PNPLA7: variants seen among roughly 807,000 people sequenced by gnomAD.
PNPLA7 encodes the protein patatin like domain 7, lysophospholipase, also known as patatin-like phospholipase domain-containing protein 7.
In PNPLA7, 153 loss-of-function variants were observed where a neutral mutation model predicts 161.7. The ratio of observed to expected loss-of-function variants is 0.95; its 90% CI spans 0.83 to 1.08. The LOEUF (loss-of-function observed/expected upper bound fraction) is 1.08. PNPLA7 is among the 50% of genes least tolerant of loss of function. The pLI, the probability that PNPLA7 is intolerant of heterozygous loss-of-function variation, is 0.00. For missense variants in PNPLA7, 1,739 were observed against 1,856.6 expected, an observed-to-expected ratio of 0.94 and a Z score of 1.16; for synonymous variants, 809 against 782.1, an observed-to-expected ratio of 1.03 and a Z score of -0.57.
intron 26 of PNPLA7, 164 bp from the exon 27 acceptor site, chr9:137,464,620 A>G: frequency 1.5e-6 from 1 of 663,436 alleles, no homozygotes; most frequent in East Asian, 2.7e-5. Flanking sequence ...GGAGCCTCAG[A>G]GTGAGCAGAG....
At chr9:137,473,628 A>C (rs1333554328) in intron 25 of PNPLA7, among the ~76,000 whole-genome samples, 1 of 152,242 alleles carries the variant, frequency 6.6e-6, no homozygotes, top group African/African-American at 2.4e-5. Flanking sequence ...AACCTATTAC[A>C]AAAGGAATAA....
rs968283678 is a variant in PNPLA7, at chr9:137,547,623, C to A, written c.67G>T (p.Gly23Ter). Residue 23 changes from glycine to a stop codon, truncating the protein, a stop_gained, in exon 2 of 35, where the codon GGA (glycine) becomes TGA (stop). Coordinates refer to ENST00000406427, the MANE Select transcript of PNPLA7 (RefSeq NM_001098537.3). LOFTEE classifies it high-confidence loss of function. The surrounding 1 kb of genome is among the most constrained non-coding windows in gnomAD (Gnocchi z 4.6). The stretch of plus-strand genomic sequence containing the variant: ...GAACCTTCCTCCGTGAACCACAGTC[C>A]CCAAGAGTGCAGGGCGGTGCCCAGG... ...FCLGTALHSW[G>*]LWFTEEGSPS... The A allele has an allele frequency of 1.2e-6, 2 of 1,613,180 alleles. No homozygotes were observed. Among genetic ancestry groups the A allele is most frequent in the African/African-American group, 1.3e-5 (1 of 75,032 alleles).
At chr9:137,461,842 G>A (rs1831215939) in intron 32 of PNPLA7, 89 bp downstream of exon 32, 1 of 1,382,428 alleles carries the variant, frequency 7.2e-7, no homozygotes, top group African/African-American at 1.4e-5. Flanking sequence ...TGAGGAGCTG[G>A]GCGTGGCCTG....
chr9:137,530,965 C>A (rs1835552373), intron 8 of PNPLA7, among the ~76,000 whole-genome samples: 1 of 152,192 alleles, frequency 6.6e-6, no homozygotes, highest in Non-Finnish European at 1.5e-5. Context: ...CTGCTGCGGG[C>A]CCCGCACATC....
At chr9:137,509,611 T>C (rs894579027) in intron 12 of PNPLA7, 2 of 389,886 alleles carry the variant, frequency 5.1e-6, no homozygotes, top group Middle Eastern at 3.5e-4. Flanking sequence ...TGAGTTTAGC[T>C]AGTATGAATG....
chr9:137,516,958 C>G lies in PNPLA7; in HGVS notation c.1085-1439G>C, dbSNP rs139663472. Among the ~76,000 whole-genome samples the G allele has an allele frequency of 3.6e-3, 543 of 151,920 alleles. 2 individuals are homozygous for G. The highest frequency in any genetic ancestry group is 5.8e-3 in the Non-Finnish European group (395 of 67,912). On this transcript the variant is annotated intron_variant, in intron 11 of 34. Transcript: ENST00000406427. ...AGCACACATGAGTGCAGGAGTAACA[C>G]CACTCTGCTCACTCCATCCTCACTC...
chr9:137,534,249 CGGGAGCACTCCCAGGCTCCTCAGTGAGT>C (rs1835765510), intron 8 of PNPLA7, among the ~76,000 whole-genome samples: 1 of 148,432 alleles, frequency 6.7e-6, no homozygotes. Context: ...CCACTCCAGG[CGGGAGCACTCCCAGGCTCCTCAGTGAGT>C]GTCCACTCCA....
In PNPLA7 at chr9:137,500,390, G is replaced by A. The variant is rs370882266; in HGVS notation, c.1757+301C>T. 6.6e-6 allele frequency among the ~76,000 whole-genome samples: 1 copy of A among 152,354 alleles called. No individual in the cohort carries two copies. The highest frequency in any genetic ancestry group is 2.4e-5 in the African/African-American group (1 of 41,582). On this transcript the variant is annotated intron_variant, in intron 16 of 34. Coordinates refer to ENST00000406427, the MANE Select transcript of PNPLA7 (RefSeq NM_001098537.3). This position sits in a 1 kb window ranked among gnomAD's most constrained non-coding sequence, Gnocchi z 5.5. ...AGCCAAGCTGGGGAGCCCCAGAACTGACCAGTGATAAATGGACACGGCTGA... is the reference window on the plus strand; with the variant it reads ...AGCCAAGCTGGGGAGCCCCAGAACTAACCAGTGATAAATGGACACGGCTGA...
intron 12 of PNPLA7, among the ~76,000 whole-genome samples, chr9:137,507,189 C>T (rs1010870741): frequency 6.6e-6 from 1 of 152,210 alleles, no homozygotes; most frequent in African/African-American, 2.4e-5. Context: ...ATTACTCATG[C>T]CCCCGTCAAG....
At chr9:137,505,187 C>CAAAA (rs1030910942) in intron 14 of PNPLA7, among the ~76,000 whole-genome samples, 3,048 of 56,818 alleles carry the variant, frequency 0.054, 555 homozygotes, top group Non-Finnish European at 0.064. Flanking sequence ...GACTCTGTCT[C>CAAAA]AAAAAAAAAA....
At chr9:137,483,267 C>T (rs1218188847) in intron 21 of PNPLA7, among the ~76,000 whole-genome samples, 1 of 152,024 alleles carries the variant, frequency 6.6e-6, no homozygotes, top group Non-Finnish European at 1.5e-5. Flanking sequence ...GTTTATGTGA[C>T]GCGGGACAGC....
At chr9:137,487,346 G>A (rs1342137165) in intron 20 of PNPLA7, among the ~76,000 whole-genome samples, 1 of 152,268 alleles carries the variant, frequency 6.6e-6, no homozygotes, top group Non-Finnish European at 1.5e-5. Flanking sequence ...GCTTGGAGCT[G>A]AGTGGCCCAA....
In PNPLA7 at chr9:137,537,133, T is replaced by G. The variant is rs1046469617; in HGVS notation, c.747+3509A>C. On this transcript the variant is annotated intron_variant, in intron 8 of 34. Transcript: ENST00000406427. The surrounding 1 kb of genome is among the most constrained non-coding windows in gnomAD (Gnocchi z 4.5). ...TCAGAAGGAACCGAAGCGTTTTCAGTGTGAGGGGACAGACGGCCACTGTTG... is the reference window on the plus strand; with the variant it reads ...TCAGAAGGAACCGAAGCGTTTTCAGGGTGAGGGGACAGACGGCCACTGTTG... Among the ~76,000 whole-genome samples, 2 of 152,168 alleles carry G rather than the reference T, an allele frequency of 1.3e-5. No individual in the cohort carries two copies.
Position 137,542,731 on chromosome 9 carries a change from C to T in PNPLA7, c.577G>A (p.Glu193Lys). ...CKHIVFVQLQEGEHVFQPREP... is the reference protein window; with the variant it reads ...CKHIVFVQLQKGEHVFQPREP... ...CTGGGCTGGAAGACGTGCTCCCCTT[C>T]CTGCAGCTGCACAAAGACGATGTGT... Residue 193 changes from glutamate (E) to lysine (K), a missense_variant, in exon 7 of 35, where the codon GAA becomes AAA. Physicochemically the swap from Glu to Lys is moderately conservative, Grantham distance 56 (BLOSUM62 1). Transcript: ENST00000406427. 1 of 1,613,752 alleles carries T rather than the reference C, an allele frequency of 6.2e-7. No homozygotes were observed. The highest frequency in any genetic ancestry group is 2.2e-5 in the East Asian group (1 of 44,880).
intron 29 of PNPLA7, 146 bp from the exon 30 acceptor site, chr9:137,462,979 G>A (rs1831292014): frequency 8.9e-7 from 1 of 1,125,998 alleles, no homozygotes; most frequent in Non-Finnish European, 1.2e-6. Flanking sequence ...AGACCCACAT[G>A]CCCAGCTCGA....
In PNPLA7 at chr9:137,539,171, G is replaced by A. The variant is rs117108183; in HGVS notation, c.747+1471C>T. Among the ~76,000 whole-genome samples the A allele has an allele frequency of 1.3e-3, 195 of 151,974 alleles. 4 individuals are homozygous for A. The East Asian group carries it at 0.031, about 24-fold the overall frequency. ...GTTGGAGATCAGCCTTACCAAGGCT[G>A]TTCTCTACTAAAAATACAAAAATTA... On this transcript the variant is annotated intron_variant, in intron 8 of 34. Coordinates refer to ENST00000406427, the MANE Select transcript of PNPLA7 (RefSeq NM_001098537.3).
At chr9:137,464,535 G>A in intron 26 of PNPLA7, 79 bp from the exon 27 acceptor site, 1 of 1,307,866 alleles carries the variant, frequency 7.6e-7, no homozygotes, top group Non-Finnish European at 1.1e-6. Context: ...CGTGCTGAGG[G>A]CCTCTCATGA....
intron 8 of PNPLA7, among the ~76,000 whole-genome samples, chr9:137,530,359 A>G (rs1477710622): frequency 6.6e-6 from 1 of 152,106 alleles, no homozygotes; most frequent in East Asian, 1.9e-4. Context: ...AAATCTGTGC[A>G]TCTACTTCCC....
chr9:137,467,306 T>C lies in PNPLA7; in HGVS notation c.3039+11A>G, dbSNP rs1359298953. 6.2e-7 allele frequency: 1 copy of C among 1,609,084 alleles called. No homozygotes were observed. Among genetic ancestry groups the C allele is most frequent in the South Asian group, 1.1e-5 (1 of 90,326 alleles). ...GCTGTGCTCCGGTGAGGGTGATGGG[T>C]GCCTGCTTACCTCGGCCCACTGCTT... On this transcript the variant is annotated intron_variant, in intron 26 of 34. Coordinates refer to ENST00000406427, the MANE Select transcript of PNPLA7 (RefSeq NM_001098537.3). This position sits in a 1 kb window ranked among gnomAD's most constrained non-coding sequence, Gnocchi z 5.1.
Sources: gnomAD v4.1 joint callset for allele counts (sites outside exome capture counted in the v4.1 genomes callset) on GRCh38, gnomAD v4.1.1 for gene constraint, Gnocchi (gnomAD v3.1) non-coding constraint, MANE v1.5 for transcripts, NCBI Gene and HGNC (gene_info 2026-07-23, HGNC 2026-07-21) for gene names.